Variants in CIBAR1 observed in about 807,000 individuals in gnomAD.
CIBAR1 encodes CBY1 interacting BAR domain containing 1.
Under a neutral mutation model 44.0 loss-of-function variants are expected in CIBAR1, and 25 were observed. The ratio of observed to expected loss-of-function variants is 0.57; its 90% CI spans 0.41 to 0.79. CIBAR1 has a LOEUF of 0.79. Among genes scored for constraint, CIBAR1 ranks in the 30% least tolerant of loss-of-function variants. The pLI, the probability that CIBAR1 is intolerant of heterozygous loss-of-function variation, is 0.00. For synonymous variants in CIBAR1, 115 were observed against 119.0 expected (o/e 0.97, Z 0.22); for missense variants, 278 against 344.8 (o/e 0.81, Z 1.53).
intron 6 of CIBAR1, among the ~76,000 whole-genome samples, chr8:93,713,042 T>C (rs2130329628): frequency 6.9e-6 from 1 of 145,930 alleles, no homozygotes; most frequent in Admixed American, 6.8e-5. Context: ...TCTTTTTTTT[T>C]TTTTTTTCGA....
At chr8:93,724,426 G>A (rs1002679192) in intron 7 of CIBAR1, 10 of 429,188 alleles carry the variant, frequency 2.3e-5, no homozygotes, top group African/African-American at 2.0e-4. Context: ...CTGAGCTTAG[G>A]TGATCCTCCC....
At position 93,704,992 on chromosome 8, in the gene CIBAR1, A is replaced by G; in HGVS notation, c.414A>G (p.Pro138=). The G allele has an allele frequency of 1.9e-6, 3 of 1,612,212 alleles. No individual in the cohort carries two copies. The highest frequency in any genetic ancestry group is 2.5e-6 in the Non-Finnish European group (3 of 1,178,616). Residue 138 remains proline (P), a synonymous_variant, in exon 4 of 9, where the codon CCA becomes CCG. Transcript: ENST00000518322. ...TQLERTRQRN[P]SDRHVISQAE... is the part of the protein sequence containing the mutation. ...TAGAAAGAACACGTCAGCGAAACCC[A>G]TCTGATCGACATGTTATTGTATCCT... is the stretch of plus-strand genomic sequence containing the variant.
At chr8:93,700,696 C>A in intron 1 of CIBAR1, 23 bp downstream of exon 1, 2 of 1,495,900 alleles carry the variant, frequency 1.3e-6, no homozygotes, top group South Asian at 1.3e-5. Context: ...GCCCAGCTGC[C>A]CAGGGCCGCC....
intron 2 of CIBAR1, chr8:93,702,240 A>G: frequency 2.3e-6 from 1 of 431,534 alleles, no homozygotes; most frequent in South Asian, 1.7e-5. Flanking sequence ...TGCTATCCAT[A>G]CAAATTTGAA....
intron 6 of CIBAR1, among the ~76,000 whole-genome samples, chr8:93,710,199 C>T (rs890029441): frequency 6.6e-6 from 1 of 151,962 alleles, no homozygotes; most frequent in Non-Finnish European, 1.5e-5. Context: ...ATCACCTGAG[C>T]CTGGGGAGGT....
At chr8:93,714,361 A>G (rs1159505180) in intron 6 of CIBAR1, among the ~76,000 whole-genome samples, 1 of 152,140 alleles carries the variant, frequency 6.6e-6, no homozygotes, top group Admixed American at 6.6e-5. Context: ...TTTTTAGTGG[A>G]TTCGTTACAA....
intron 4 of CIBAR1, 132 bp from the exon 5 acceptor site, chr8:93,707,879 A>G (rs80284673): frequency 2.0e-6 from 1 of 509,278 alleles, no homozygotes. Context: ...ATAAGTAACC[A>G]TAATTGATAT....
At position 93,730,641 on chromosome 8, in the gene CIBAR1, T is replaced by A. The variant is rs1811753091; in HGVS notation, c.*2344T>A. 1 of 152,178 alleles carries A rather than the reference T, an allele frequency of 6.6e-6. No homozygotes were observed. Among genetic ancestry groups the A allele is most frequent in the Non-Finnish European group, 1.5e-5 (1 of 68,028 alleles). 9.4% of individuals were successfully genotyped at this position (152,178 alleles called of 1,614,324 possible). A position where few individuals can be genotyped will look rare whatever the true frequency, so the allele number is the denominator to read the frequency against. On this transcript the variant is annotated 3_prime_UTR_variant, in exon 9 of 9. Transcript: ENST00000518322. Reference sequence around the variant, plus strand: ...GAGGGGACAACAGGAGGGGAATTCCTTGATTTGCTGCATTTATCACTTTCC... The same window carrying A: ...GAGGGGACAACAGGAGGGGAATTCCATGATTTGCTGCATTTATCACTTTCC...
intron 8 of CIBAR1, 180 bp downstream of exon 8, chr8:93,726,693 T>A (rs1400062095): frequency 1.5e-6 from 1 of 656,692 alleles, no homozygotes; most frequent in East Asian, 3.1e-5. Flanking sequence ...TTCTTAATTA[T>A]CTTTTATACT....
At position 93,714,892 on chromosome 8, in the gene CIBAR1, T is replaced by C. The variant is rs151051192; in HGVS notation, c.544-3783T>C. Among the ~76,000 whole-genome samples, 10 of 152,344 alleles carry C rather than the reference T, an allele frequency of 6.6e-5. No homozygotes were observed. In the East Asian group the frequency reaches 1.9e-3, roughly 29 times the overall value. On this transcript the variant is annotated intron_variant, in intron 6 of 8. Transcript: ENST00000518322. ...ATGCCTGGAAAAGTCAGATTATTGA[T>C]ACCACTCTTAATTTGGGGAGAAACG...
At chr8:93,713,113 A>C (rs1178602286) in intron 6 of CIBAR1, among the ~76,000 whole-genome samples, 10 of 146,082 alleles carry the variant, frequency 6.8e-5, no homozygotes, top group Non-Finnish European at 1.0e-4. Context: ...GCTCACTGCA[A>C]CCTCCACCTC....
At chr8:93,700,709 C>T in intron 1 of CIBAR1, 36 bp downstream of exon 1, 1 of 1,488,370 alleles carries the variant, frequency 6.7e-7, no homozygotes, top group African/African-American at 1.5e-5. Context: ...GGGCCGCCCA[C>T]ACTGGAGGGC....
chr8:93,703,359 C>A (rs1055660654), intron 2 of CIBAR1, among the ~76,000 whole-genome samples: 3 of 152,194 alleles, frequency 2.0e-5, no homozygotes, highest in African/African-American at 7.2e-5. Context: ...TGTCTTAACA[C>A]CCTTAAACTA....
intron 4 of CIBAR1, chr8:93,707,253 CTT>C (rs1477708538): frequency 2.3e-6 from 1 of 428,576 alleles, no homozygotes; most frequent in African/African-American, 2.0e-5. Flanking sequence ...TCTATATTCT[CTT>C]TGCTAAAAAT....
At chr8:93,701,749 C>T (rs1810366921) in intron 2 of CIBAR1, 2 of 389,652 alleles carry the variant, frequency 5.1e-6, no homozygotes, top group East Asian at 1.0e-4. Flanking sequence ...GGAATAGTAC[C>T]CAGGGGGAAG....
intron 4 of CIBAR1, 72 bp from the exon 5 acceptor site, chr8:93,707,939 A>G: frequency 1.1e-6 from 1 of 945,260 alleles, no homozygotes; most frequent in Admixed American, 2.5e-5. Context: ...TAATTCTATG[A>G]GTATATAAAT....
intron 7 of CIBAR1, among the ~76,000 whole-genome samples, chr8:93,721,353 TC>T (rs1811255352): frequency 6.6e-6 from 1 of 152,202 alleles, no homozygotes; most frequent in African/African-American, 2.4e-5. Flanking sequence ...ACCTTAAAGT[TC>T]CTTCAAGCCC....
chr8:93,726,260 T>G (rs1811492871), intron 7 of CIBAR1, 134 bp from the exon 8 acceptor site: 1 of 731,396 alleles, frequency 1.4e-6, no homozygotes, highest in East Asian at 2.9e-5. Flanking sequence ...TTCTTTTACA[T>G]TTACAATAAT....
Position 93,703,657 on chromosome 8 carries a change from A to G in CIBAR1, c.299A>G (p.Lys100Arg). 1 of 1,553,044 alleles carries G rather than the reference A, an allele frequency of 6.4e-7. No individual in the cohort carries two copies. Among genetic ancestry groups the G allele is most frequent in the Non-Finnish European group, 8.7e-7 (1 of 1,148,030 alleles). ...RLEAKVVEPLKTYGTIVKMKR... is the reference protein window; with the variant it reads ...RLEAKVVEPLRTYGTIVKMKR... The stretch of plus-strand genomic sequence containing the variant: ...GAAGCCAAAGTAGTTGAACCCTTGA[A>G]AACTTATGGGACCATTGTGAAAATG... Residue 100 changes from lysine to arginine, a missense_variant, in exon 3 of 9, where the codon AAA (lysine) becomes AGA (arginine). Lys to Arg is a conservative substitution (Grantham distance 26). Transcript: ENST00000518322.
Sources: allele counts gnomAD v4.1 joint callset (sites outside exome capture counted in the v4.1 genomes callset), GRCh38; gene constraint gnomAD v4.1.1; transcripts MANE v1.5; gene names NCBI Gene and HGNC (gene_info 2026-07-23, HGNC 2026-07-21).